Variants in MACROD2 observed in about 807,000 individuals in gnomAD.
The protein encoded by MACROD2 is ADP-ribose glycohydrolase MACROD2.
In MACROD2, 36 loss-of-function variants were observed where a neutral mutation model predicts 70.4. The observed-to-expected ratio is 0.51, with a 90% CI of 0.39 to 0.68. The LOEUF (loss-of-function observed/expected upper bound fraction) is 0.68. MACROD2 is among the 30% of genes least tolerant of loss of function. The pLI, the probability that MACROD2 is intolerant of heterozygous loss-of-function variation, is 0.00. For missense variants in MACROD2, 496 were observed against 538.4 expected (o/e 0.92, Z 0.78); for synonymous variants, 172 against 178.8 (o/e 0.96, Z 0.30).
At chr20:14,542,121 C>T (rs1020833774) in intron 4 of MACROD2, among the ~76,000 whole-genome samples, 1 of 152,248 alleles carries the variant, frequency 6.6e-6, no homozygotes, top group African/African-American at 2.4e-5. Context: ...CCTATGCCTG[C>T]ATGGCATCAG....
intron 7 of MACROD2, among the ~76,000 whole-genome samples, chr20:15,480,880 A>G (rs961062117): frequency 6.6e-6 from 1 of 152,038 alleles, no homozygotes; most frequent in African/African-American, 2.4e-5. Flanking sequence ...TTGTTGGGCT[A>G]TGGTTACATT....
At chr20:14,664,276 C>T (rs1322876071) in intron 4 of MACROD2, among the ~76,000 whole-genome samples, 1 of 152,036 alleles carries the variant, frequency 6.6e-6, no homozygotes, top group Non-Finnish European at 1.5e-5. Flanking sequence ...ACTGTTACAG[C>T]CAAAATGCTG....
At chr20:14,943,459 TTTTAC>T (rs1281147748) in intron 5 of MACROD2, among the ~76,000 whole-genome samples, 1 of 152,138 alleles carries the variant, frequency 6.6e-6, no homozygotes, top group East Asian at 1.9e-4. Flanking sequence ...TACATGCTAT[TTTTAC>T]TTTAAAGTTT....
chr20:14,087,018 A>G (rs1332246054), intron 3 of MACROD2, among the ~76,000 whole-genome samples: 2 of 152,148 alleles, frequency 1.3e-5, no homozygotes, highest in East Asian at 3.9e-4. Context: ...GAGAACTGAA[A>G]CATTGTTCAA....
Position 14,971,486 on chromosome 20 carries a change from C to G in MACROD2, c.419-258454C>G, listed in dbSNP as rs117210588. Among the ~76,000 whole-genome samples the G allele has an allele frequency of 8.4e-3, 1,279 of 152,178 alleles. 9 individuals carry two copies. Among genetic ancestry groups the G allele is most frequent in the Middle Eastern group, 0.041 (12 of 294 alleles). On this transcript the variant is annotated intron_variant, in intron 5 of 17. Coordinates refer to ENST00000684519, the MANE Select transcript of MACROD2 (RefSeq NM_001351661.2). ...TCTGAATTACTTATTCTCTCTAACT[C>G]TTTTTCCTTCTGTTCTAAGTATCTA... is the stretch of plus-strand genomic sequence containing the variant.
intron 3 of MACROD2, among the ~76,000 whole-genome samples, chr20:14,253,450 G>A (rs756913324): frequency 1.3e-5 from 2 of 151,984 alleles, no homozygotes; most frequent in Non-Finnish European, 2.9e-5. Flanking sequence ...AGATATGTAT[G>A]TGAAAGATGA....
intron 8 of MACROD2, among the ~76,000 whole-genome samples, chr20:15,676,229 AAT>A (rs1380390308): frequency 2.6e-5 from 4 of 152,230 alleles, no homozygotes; most frequent in Admixed American, 1.3e-4. Flanking sequence ...AAGCTGTAAA[AAT>A]ATGACACCAC....
intron 8 of MACROD2, among the ~76,000 whole-genome samples, chr20:15,837,837 T>C (rs534787556): frequency 1.9e-4 from 29 of 152,142 alleles, no homozygotes; most frequent in Non-Finnish European, 4.0e-4. Context: ...AACCTCCTGT[T>C]TAGTCTTTTT....
intron 10 of MACROD2, among the ~76,000 whole-genome samples, chr20:15,899,327 T>C (rs911180223): frequency 6.6e-6 from 1 of 152,116 alleles, no homozygotes; most frequent in Non-Finnish European, 1.5e-5. Context: ...TATATACATA[T>C]ACATGTATAT....
At chr20:14,437,732 T>C (rs1238180585) in intron 3 of MACROD2, among the ~76,000 whole-genome samples, 6 of 152,246 alleles carry the variant, frequency 3.9e-5, no homozygotes, top group Admixed American at 2.6e-4. Context: ...ATGGTACTTA[T>C]ATAAATGAAT....
At position 14,764,198 on chromosome 20, in the gene MACROD2, T is replaced by C. The variant is rs566780765; in HGVS notation, c.418+79239T>C. Among the ~76,000 whole-genome samples, 28 of 152,212 alleles carry C rather than the reference T, an allele frequency of 1.8e-4. 1 individual carries two copies. Among genetic ancestry groups the C allele is most frequent in the African/African-American group, 6.3e-4 (26 of 41,486 alleles). ...ATATTCTTTTCCCGCCTTCCCCACA[T>C]TGGGTCCCATTTCTGGCAGAGGCTG... On this transcript the variant is annotated intron_variant, in intron 5 of 17. Coordinates refer to ENST00000684519, the MANE Select transcript of MACROD2 (RefSeq NM_001351661.2).
intron 15 of MACROD2, among the ~76,000 whole-genome samples, chr20:16,035,527 T>C (rs1437943471): frequency 1.3e-5 from 2 of 151,986 alleles, no homozygotes; most frequent in Admixed American, 6.6e-5. Context: ...TAACACATTA[T>C]GGCATGTTAA....
chr20:15,460,467 A>G (rs1360886715), intron 7 of MACROD2, among the ~76,000 whole-genome samples: 1 of 151,994 alleles, frequency 6.6e-6, no homozygotes, highest in Non-Finnish European at 1.5e-5. Context: ...GACCTCTTTC[A>G]AGTTCTAGAG....
At chr20:14,784,161 A>G (rs1418958706) in intron 5 of MACROD2, among the ~76,000 whole-genome samples, 1 of 152,032 alleles carries the variant, frequency 6.6e-6, no homozygotes, top group African/African-American at 2.4e-5. Flanking sequence ...CCTCGCTCCT[A>G]CAGTCAATCA....
intron 5 of MACROD2, among the ~76,000 whole-genome samples, chr20:14,814,485 G>A (rs754222517): frequency 1.3e-5 from 2 of 152,044 alleles, no homozygotes; most frequent in Non-Finnish European, 2.9e-5. Flanking sequence ...CTACTGGTCT[G>A]TGGATATGTG....
intron 5 of MACROD2, among the ~76,000 whole-genome samples, chr20:14,857,338 T>G (rs1207657689): frequency 6.6e-6 from 1 of 152,214 alleles, no homozygotes; most frequent in African/African-American, 2.4e-5. Context: ...CCTGGCCCCT[T>G]ATCATCTGAC....
At chr20:15,611,093 T>G (rs1600665330) in intron 8 of MACROD2, among the ~76,000 whole-genome samples, 1 of 144,544 alleles carries the variant, frequency 6.9e-6, no homozygotes, top group African/African-American at 2.5e-5. Context: ...TTTGCAATCC[T>G]AAGAGACTCA....
chr20:15,437,842 T>A (rs888425217), intron 7 of MACROD2, among the ~76,000 whole-genome samples: 5 of 152,176 alleles, frequency 3.3e-5, no homozygotes, highest in Admixed American at 6.5e-5. Flanking sequence ...CCTTTTTTTT[T>A]ATGGCTGCAT....
chr20:14,716,395 G>T (rs1434856250), intron 5 of MACROD2, among the ~76,000 whole-genome samples: 4 of 152,192 alleles, frequency 2.6e-5, no homozygotes, highest in African/African-American at 9.7e-5. Context: ...TCACAGGGGA[G>T]TGAGCAGGCT....
Sources: gnomAD v4.1 joint callset for allele counts (sites outside exome capture counted in the v4.1 genomes callset) on GRCh38, gnomAD v4.1.1 for gene constraint, MANE v1.5 for transcripts, NCBI Gene and HGNC (gene_info 2026-07-23, HGNC 2026-07-21) for gene names.